Variants in MBNL1 observed in about 807,000 individuals in gnomAD.
The protein encoded by MBNL1 is muscleblind-like protein 1.
In MBNL1, 8 loss-of-function variants were observed where a neutral mutation model predicts 42.2. The ratio of observed to expected loss-of-function variants is 0.19; its 90% CI spans 0.11 to 0.34. The LOEUF is 0.34. Among genes scored for constraint, MBNL1 ranks in the 10% least tolerant of loss-of-function variants. The pLI, the probability that MBNL1 is intolerant of heterozygous loss-of-function variation, is 1.00. For synonymous variants in MBNL1, 169 were observed against 173.9 expected (o/e 0.97, Z 0.22); for missense variants, 309 against 495.3 (o/e 0.62, Z 3.57).
At chr3:152,266,251 T>A (rs2037210561), upstream of MBNL1, 1 of 152,228 alleles carries the variant, frequency 6.6e-6, no homozygotes, top group African/African-American at 2.4e-5. Flanking sequence ...CCTTTTTTAT[T>A]TACCAGGATG....
intron 1 of MBNL1, among the ~76,000 whole-genome samples, chr3:152,271,742 G>T (rs1362295871): frequency 6.6e-6 from 1 of 152,156 alleles, no homozygotes; most frequent in East Asian, 1.9e-4. Flanking sequence ...GGATCATAGA[G>T]AATGTGACAT....
intron 2 of MBNL1, among the ~76,000 whole-genome samples, chr3:152,373,354 A>C (rs916296286): frequency 1.1e-4 from 16 of 151,636 alleles, no homozygotes; most frequent in South Asian, 4.2e-4. Context: ...AAAAAAAAAA[A>C]AAAAAAAAAA....
At chr3:152,305,504 T>A (rs919680066) in intron 2 of MBNL1, among the ~76,000 whole-genome samples, 2 of 151,622 alleles carry the variant, frequency 1.3e-5, no homozygotes, top group African/African-American at 2.4e-5. Context: ...TTTTTTTTTT[T>A]AAACTTAGCA....
At chr3:152,290,405 G>A (rs1281849653) in intron 1 of MBNL1, among the ~76,000 whole-genome samples, 1 of 151,952 alleles carries the variant, frequency 6.6e-6, no homozygotes, top group Non-Finnish European at 1.5e-5. Context: ...TTATGGAGAA[G>A]ATCTTATAAC....
intron 3 of MBNL1, among the ~76,000 whole-genome samples, chr3:152,416,974 C>T (rs2098712257): frequency 6.6e-6 from 1 of 152,180 alleles, no homozygotes; most frequent in Non-Finnish European, 1.5e-5. Context: ...AATTTTTCCT[C>T]ATATGACTAG....
intron 4 of MBNL1, among the ~76,000 whole-genome samples, chr3:152,442,104 T>A (rs2099153040): frequency 6.6e-6 from 1 of 152,200 alleles, no homozygotes; most frequent in African/African-American, 2.4e-5. Context: ...GAAAATATTT[T>A]TATGTGTTGA....
chr3:152,385,931 A>G (rs982858249), intron 2 of MBNL1, among the ~76,000 whole-genome samples: 1 of 152,050 alleles, frequency 6.6e-6, no homozygotes, highest in African/African-American at 2.4e-5. Context: ...AGTCTATCCC[A>G]TATTAATCCC....
chr3:152,255,362 T>C (rs2035305512), intron 2 of MBNL1, among the ~76,000 whole-genome samples: 2 of 152,244 alleles, frequency 1.3e-5, no homozygotes, highest in African/African-American at 2.4e-5. Context: ...ATATTGAGCC[T>C]TAACTTAAAA....
chr3:152,287,355 G>A (rs192980905), intron 1 of MBNL1, among the ~76,000 whole-genome samples: 5 of 152,254 alleles, frequency 3.3e-5, no homozygotes, highest in African/African-American at 7.2e-5. Flanking sequence ...TGAAGTAGTC[G>A]ATGGAATATA....
intron 1 of MBNL1, among the ~76,000 whole-genome samples, chr3:152,279,969 A>G (rs1409186423): frequency 6.6e-6 from 1 of 152,154 alleles, no homozygotes; most frequent in Admixed American, 6.6e-5. Context: ...TTGCTAACAA[A>G]TTCCTCTCTT....
rs1216685646 is a variant in MBNL1, at chr3:152,363,005, A to G, written c.175-51936A>G. On this transcript the variant is annotated intron_variant, in intron 2 of 9. Coordinates refer to ENST00000324210, the MANE Select transcript of MBNL1 (RefSeq NM_021038.5). The stretch of plus-strand genomic sequence containing the variant: ...AAGTTTCCATGTTTTTAAAATTAAG[A>G]TAGGCAGGAAACTAAGTCACAGAAA... Among the ~76,000 whole-genome samples the G allele has an allele frequency of 6.4e-4, 98 of 152,242 alleles. 1 individual carries two copies. The highest frequency in any genetic ancestry group is 8.8e-5 in the Non-Finnish European group (6 of 68,018).
Position 152,427,935 on chromosome 3 carries a change from C to CA in MBNL1, c.346-4779dup, listed in dbSNP as rs537198539. Among the ~76,000 whole-genome samples the CA allele has an allele frequency of 6.2e-4, 93 of 150,904 alleles. No individual in the cohort carries two copies. In the South Asian group the frequency reaches 0.018, roughly 29 times the overall value. ...CTCCCTCTATTTTTTTTTTAAATCTCAAACATTGCAAAACAAACAGTGTTC... is the reference window on the plus strand; with the variant it reads ...CTCCCTCTATTTTTTTTTTAAATCTCAAAACATTGCAAAACAAACAGTGTTC... On this transcript the variant is annotated intron_variant, in intron 3 of 9. Transcript: ENST00000324210.
In MBNL1 at chr3:152,276,708, A is replaced by G. The variant is rs560824629; in HGVS notation, c.-790+7616A>G. Among the ~76,000 whole-genome samples, 56 of 152,266 alleles carry G rather than the reference A, an allele frequency of 3.7e-4. No homozygotes were observed. The Middle Eastern group carries it at 0.014, about 37-fold the overall frequency. ...GGTGTTCAAGGGAGATTGGTGCTAC[A>G]CTTTTGAGGTCATTGATGACCAGCT... On this transcript the variant is annotated intron_variant, in intron 1 of 9. Transcript: ENST00000324210.
chr3:152,443,258 T>G (rs2099168531), intron 4 of MBNL1, among the ~76,000 whole-genome samples: 1 of 146,430 alleles, frequency 6.8e-6, no homozygotes, highest in African/African-American at 2.5e-5. Context: ...TTCTTGTTAA[T>G]GCGGCAAAGA....
At chr3:152,429,824 G>A (rs1268073040) in intron 3 of MBNL1, among the ~76,000 whole-genome samples, 1 of 152,102 alleles carries the variant, frequency 6.6e-6, no homozygotes, top group Admixed American at 6.6e-5. Flanking sequence ...CTGTCTGTCT[G>A]TCTGTCTTTT....
chr3:152,430,342 A>G (rs2098990335), intron 3 of MBNL1, among the ~76,000 whole-genome samples: 1 of 152,224 alleles, frequency 6.6e-6, no homozygotes, highest in African/African-American at 2.4e-5. Flanking sequence ...AAACATCTCA[A>G]TAACTTTCTG....
At chr3:152,450,958 A>G (rs1721634110) in intron 6 of MBNL1, among the ~76,000 whole-genome samples, 1 of 152,236 alleles carries the variant, frequency 6.6e-6, no homozygotes, top group Admixed American at 6.5e-5. Context: ...GAGAAAAGGA[A>G]TTTCATTTTC....
chr3:152,454,633 T>C (rs77325631), intron 6 of MBNL1, among the ~76,000 whole-genome samples: 212 of 152,312 alleles, frequency 1.4e-3, no homozygotes, highest in African/African-American at 4.8e-3. Flanking sequence ...GGTTGAACAA[T>C]TGTCAGCATC....
intron 2 of MBNL1, among the ~76,000 whole-genome samples, chr3:152,316,014 A>G (rs1349403602): frequency 6.6e-6 from 1 of 152,208 alleles, no homozygotes; most frequent in African/African-American, 2.4e-5. Context: ...AGTACTCCTT[A>G]TCAGTTATTT....
Sources: allele counts gnomAD v4.1 joint callset (sites outside exome capture counted in the v4.1 genomes callset), GRCh38; gene constraint gnomAD v4.1.1; transcripts MANE v1.5; gene names NCBI Gene and HGNC (gene_info 2026-07-23, HGNC 2026-07-21).